The following TECRL variants were observed in gnomAD, a reference collection of about 807,000 sequenced individuals.
The protein encoded by TECRL is trans-2,3-enoyl-CoA reductase like.
In TECRL, 63 loss-of-function variants were observed where a neutral mutation model predicts 52.8. The ratio of observed to expected loss-of-function variants is 1.19; its 90% confidence interval spans 0.97 to 1.47. TECRL has a LOEUF of 1.47. Among genes scored for constraint, TECRL ranks in the 40% most tolerant of loss-of-function variants. The pLI, the probability that TECRL is intolerant of heterozygous loss-of-function variation, is 0.00. For missense variants in TECRL, 482 were observed against 429.6 expected, an observed-to-expected ratio of 1.12 and a Z score of -1.08; for synonymous variants, 164 against 141.9, an observed-to-expected ratio of 1.16 and a Z score of -1.10.
intron 8 of TECRL, among the ~76,000 whole-genome samples, chr4:64,299,760 C>T (rs192229433): frequency 6.6e-6 from 1 of 150,604 alleles, no homozygotes; most frequent in African/African-American, 2.4e-5. Flanking sequence ...TTCTAATCAA[C>T]CTTTAGAGAT....
In TECRL at chr4:64,314,656, T is replaced by C; in HGVS notation, c.543A>G (p.Pro181=). ...GKESARRLRH[P]VVHLACFCHC... Reference sequence around the variant, plus strand: ...GTGTGTGTATCACTTACTGTACCACTGGGTGGCGTAATCTTCTAGCACTCT... The same window carrying C: ...GTGTGTGTATCACTTACTGTACCACCGGGTGGCGTAATCTTCTAGCACTCT... Residue 181 remains proline, a synonymous_variant, in exon 5 of 12, where the codon CCA becomes CCG. Coordinates refer to ENST00000381210, the MANE Select transcript of TECRL (RefSeq NM_001010874.5). 6.3e-7 allele frequency: 1 copy of C among 1,586,180 alleles called. No individual in the cohort carries two copies. The highest frequency in any genetic ancestry group is 8.7e-7 in the Non-Finnish European group (1 of 1,155,912).
chr4:64,397,488 TA>T (rs1319922759), intron 1 of TECRL, among the ~76,000 whole-genome samples: 1 of 151,386 alleles, frequency 6.6e-6, no homozygotes, highest in African/African-American at 2.4e-5. Context: ...TTTGTGAGGT[TA>T]TTAGGGATTA....
chr4:64,314,590 GGTGTGTGTGTGTGTGTGTGTGT>G (rs5858876), intron 5 of TECRL, 36 bp downstream of exon 5: 59 of 746,028 alleles, frequency 7.9e-5, no homozygotes, highest in South Asian at 5.2e-4. Context: ...TAACGTGTAT[GGTGTGTGTGTGTGTGTGTGTGT>G]GTGTGTGTGT....
chr4:64,279,862 C>T lies in TECRL; in HGVS notation c.*210G>A, dbSNP rs1268886056. The stretch of plus-strand genomic sequence containing the variant: ...CAATCCCATGCAAATACATTCAGAG[C>T]TGTTCTTAGTTAATTGCATTTATAA... On this transcript the variant is annotated 3_prime_UTR_variant, in exon 12 of 12. Coordinates refer to ENST00000381210, the MANE Select transcript of TECRL (RefSeq NM_001010874.5). 1.8e-6 allele frequency: 2 copies of T among 1,095,284 alleles called. No homozygotes were observed. The highest frequency in any genetic ancestry group is 1.7e-5 in the African/African-American group (1 of 60,324). 67.8% of individuals were successfully genotyped at this position (1,095,284 alleles called of 1,614,324 possible). A position where few individuals can be genotyped will look rare whatever the true frequency, so the allele number is the denominator to read the frequency against.
At chr4:64,301,506 A>C (rs933262904) in intron 7 of TECRL, among the ~76,000 whole-genome samples, 2 of 151,254 alleles carry the variant, frequency 1.3e-5, no homozygotes, top group African/African-American at 4.8e-5. Context: ...GAGAAAGTAC[A>C]CACAAAGCCA....
chr4:64,408,383 T>G (rs2109803118), intron 1 of TECRL, among the ~76,000 whole-genome samples: 1 of 151,992 alleles, frequency 6.6e-6, no homozygotes, highest in African/African-American at 2.4e-5. Flanking sequence ...TTTTCAAATT[T>G]ATTAAAAACT....
chr4:64,278,384 AATT>A lies in TECRL; in HGVS notation c.*1685_*1687del, dbSNP rs1377520423. 4.1e-6 allele frequency: 1 copy of A among 241,418 alleles called. No individual in the cohort carries two copies. The highest frequency in any genetic ancestry group is 6.7e-6 in the Non-Finnish European group (1 of 150,004). 15.0% of individuals were successfully genotyped at this position (241,418 alleles called of 1,614,324 possible). A position where few individuals can be genotyped will look rare whatever the true frequency, so the allele number is the denominator to read the frequency against. Reference sequence around the variant, plus strand: ...AACAGATTGAACAATAAAAGAATTAAATTATTGTCAAAATAATGAGATTCAAGT... The same window carrying A: ...AACAGATTGAACAATAAAAGAATTAAATTGTCAAAATAATGAGATTCAAGT... On this transcript the variant is annotated 3_prime_UTR_variant, in exon 12 of 12. Transcript: ENST00000381210.
At chr4:64,378,696 A>T in intron 1 of TECRL, among the ~76,000 whole-genome samples, 1 of 152,192 alleles carries the variant, frequency 6.6e-6, no homozygotes, top group East Asian at 1.9e-4. Context: ...ATTTTGTAGA[A>T]TAGCAAGAAT....
chr4:64,276,784 C>T (rs1722590284), downstream of TECRL: 1 of 296,822 alleles, frequency 3.4e-6, no homozygotes, highest in South Asian at 1.6e-4. Flanking sequence ...GCAATGCAAA[C>T]TTATTATTTA....
intron 1 of TECRL, among the ~76,000 whole-genome samples, chr4:64,405,482 T>C (rs1276897334): frequency 5.9e-5 from 9 of 152,150 alleles, no homozygotes; most frequent in Non-Finnish European, 1.2e-4. Flanking sequence ...TTGCCACTTA[T>C]TGGCTTAAGT....
chr4:64,294,952 C>A (rs1368970097), intron 8 of TECRL, among the ~76,000 whole-genome samples: 1 of 151,822 alleles, frequency 6.6e-6, no homozygotes, highest in Non-Finnish European at 1.5e-5. Flanking sequence ...GAATTAAGTG[C>A]TTTTGACAAT....
At chr4:64,386,921 T>C (rs1723212435) in intron 1 of TECRL, among the ~76,000 whole-genome samples, 1 of 152,144 alleles carries the variant, frequency 6.6e-6, no homozygotes, top group South Asian at 2.1e-4. Context: ...CGGATATATC[T>C]ACAATGACAC....
At chr4:64,287,742 T>A (rs1201578563) in intron 9 of TECRL, among the ~76,000 whole-genome samples, 1 of 152,202 alleles carries the variant, frequency 6.6e-6, no homozygotes, top group Admixed American at 6.5e-5. Flanking sequence ...ATTTCTCACT[T>A]TATGTTTTTT....
intron 9 of TECRL, among the ~76,000 whole-genome samples, chr4:64,287,269 A>G (rs1723125587): frequency 1.3e-5 from 2 of 152,160 alleles, no homozygotes; most frequent in South Asian, 4.1e-4. Flanking sequence ...TCACAATATT[A>G]TGTAATGTGT....
chr4:64,351,308 G>A (rs566999887), intron 2 of TECRL, among the ~76,000 whole-genome samples: 2 of 150,216 alleles, frequency 1.3e-5, no homozygotes, highest in East Asian at 3.9e-4. Context: ...TTTTTTGGCA[G>A]AGTCTCACTT....
chr4:64,316,754 T>TA (rs1253655552), intron 4 of TECRL, among the ~76,000 whole-genome samples: 2 of 152,310 alleles, frequency 1.3e-5, no homozygotes, highest in East Asian at 3.9e-4. Flanking sequence ...GACTATATTC[T>TA]AAAGAGGCAG....
chr4:64,345,922 A>AAAAAAAAAC lies in TECRL; in HGVS notation c.287-17367_287-17366insGTTTTTTTT, dbSNP rs1719937363. 1.4e-5 allele frequency among the ~76,000 whole-genome samples: 2 copies of AAAAAAAAAC among 145,582 alleles called. 1 individual carries two copies. The highest frequency in any genetic ancestry group is 4.0e-4 in the East Asian group (2 of 5,062). On this transcript the variant is annotated intron_variant, in intron 2 of 11. Transcript: ENST00000381210. The stretch of plus-strand genomic sequence containing the variant: ...GCCTCAACAGCAAAAAAAAAAAAAA[A>AAAAAAAAAC]AAAAAAAAACATTTATCATATCCCT...
chr4:64,336,521 A>G (rs372340543), intron 2 of TECRL, among the ~76,000 whole-genome samples: 13 of 151,922 alleles, frequency 8.6e-5, no homozygotes, highest in Non-Finnish European at 1.8e-4. Flanking sequence ...GTTCTGCTCT[A>G]ATCTTAGTTA....
chr4:64,369,180 G>A (rs1721819971), intron 2 of TECRL, among the ~76,000 whole-genome samples: 1 of 152,126 alleles, frequency 6.6e-6, no homozygotes, highest in Non-Finnish European at 1.5e-5. Context: ...CACAGAGTCA[G>A]TGTACAAATT....
Sources: gnomAD v4.1 joint callset for allele counts (sites outside exome capture counted in the v4.1 genomes callset) on GRCh38, gnomAD v4.1.1 for gene constraint, MANE v1.5 for transcripts, NCBI Gene and HGNC (gene_info 2026-07-23, HGNC 2026-07-21) for gene names.